Variants in POLD3 observed in about 807,000 individuals in gnomAD.
POLD3 encodes the protein DNA polymerase delta 3, accessory subunit, also known as DNA polymerase delta subunit 3.
Under a neutral mutation model 58.2 loss-of-function variants are expected in POLD3, and 19 were observed. The observed-to-expected ratio is 0.33, with a 90% CI of 0.23 to 0.48. POLD3 has a LOEUF of 0.48. Ranked by LOEUF, POLD3 falls within the 20% of genes least tolerant of loss-of-function variation. The pLI is 0.99. For missense variants in POLD3, 504 were observed against 545.5 expected, an observed-to-expected ratio of 0.92 and a Z score of 0.76; for synonymous variants, 172 against 193.5, an observed-to-expected ratio of 0.89 and a Z score of 0.92.
At chr11:74,610,065 G>A (rs1451861524) in intron 3 of POLD3, among the ~76,000 whole-genome samples, 1 of 152,132 alleles carries the variant, frequency 6.6e-6, no homozygotes, top group African/African-American at 2.4e-5. Flanking sequence ...TACTTTTGTT[G>A]GATGTTGCCA....
At chr11:74,608,619 G>A (rs1336477768) in intron 3 of POLD3, among the ~76,000 whole-genome samples, 2 of 152,148 alleles carry the variant, frequency 1.3e-5, no homozygotes, top group Non-Finnish European at 2.9e-5. Context: ...TTTAGCACCA[G>A]CTGGCATTTC....
intron 4 of POLD3, among the ~76,000 whole-genome samples, chr11:74,657,534 G>C (rs61621556): frequency 0.27 from 41,038 of 151,044 alleles, 5,973 homozygotes; most frequent in South Asian, 0.42. Context: ...CAAACAAAAA[G>C]AAAACTAATA....
At chr11:74,657,397 T>C (rs565950163) in intron 4 of POLD3, among the ~76,000 whole-genome samples, 2 of 152,182 alleles carry the variant, frequency 1.3e-5, no homozygotes, top group Non-Finnish European at 2.9e-5. Context: ...TATGACTTAA[T>C]TTCTTGCTTT....
intron 4 of POLD3, among the ~76,000 whole-genome samples, chr11:74,652,348 T>C (rs1486380657): frequency 6.6e-6 from 1 of 152,236 alleles, no homozygotes; most frequent in Admixed American, 6.5e-5. Context: ...TCAAAGGATA[T>C]ACATTTTAAG....
In POLD3 at chr11:74,640,973, T is replaced by C; in HGVS notation, c.*207T>C. The stretch of plus-strand genomic sequence containing the variant: ...CAGGAGGCAAAAAGCTGTTACCTTC[T>C]AATGACATTTAAAAAGCACAGTCTT... On this transcript the variant is annotated 3_prime_UTR_variant, in exon 12 of 12. Transcript: ENST00000263681. The C allele has an allele frequency of 8.0e-6, 10 of 1,251,152 alleles. No individual in the cohort carries two copies. The highest frequency in any genetic ancestry group is 9.0e-6 in the Non-Finnish European group (9 of 998,558). The allele number at this position is 1,251,152 out of a possible 1,614,324, so 77.5% of individuals were successfully genotyped here.
chr11:74,631,236 C>G (rs776708276), intron 9 of POLD3, among the ~76,000 whole-genome samples: 1 of 152,142 alleles, frequency 6.6e-6, no homozygotes, highest in Non-Finnish European at 1.5e-5. Context: ...AAAGGAACAG[C>G]AGGAGTAGAG....
chr11:74,638,726 C>T (rs935525291), intron 11 of POLD3: 34 of 453,970 alleles, frequency 7.5e-5, no homozygotes, highest in African/African-American at 6.2e-4. Flanking sequence ...ATTTCTCAAA[C>T]TTTGCCGGCT....
chr11:74,624,539 C>T (rs566558738), intron 7 of POLD3, among the ~76,000 whole-genome samples: 137 of 152,302 alleles, frequency 9.0e-4, no homozygotes, highest in African/African-American at 2.9e-3. Flanking sequence ...ACCAAAACTA[C>T]TTATTGAAGC....
chr11:74,652,444 A>C (rs1400092084), intron 4 of POLD3, among the ~76,000 whole-genome samples: 1 of 152,232 alleles, frequency 6.6e-6, no homozygotes, highest in East Asian at 1.9e-4. Flanking sequence ...CAGTGCTTCA[A>C]GTAATAGAGA....
In POLD3 at chr11:74,607,270, A is replaced by ATTTT. The variant is rs1304182109; in HGVS notation, c.219+2479_219+2480insTTTT. Among the ~76,000 whole-genome samples the ATTTT allele has an allele frequency of 2.3e-4, 33 of 144,764 alleles. No individual in the cohort carries two copies. In the East Asian group the frequency reaches 6.3e-3, roughly 28 times the overall value. The allele number at this position is 144,764 out of a possible 152,430, so 95.0% of individuals were successfully genotyped here. ...TATTTATTTATTTATTTATTTATTTATTTATTTTTTGAGACCGAGTCTTGC... is the reference window on the plus strand; with the variant it reads ...TATTTATTTATTTATTTATTTATTTATTTTTTTATTTTTTGAGACCGAGTCTTGC... On this transcript the variant is annotated intron_variant, in intron 3 of 11. Transcript: ENST00000263681.
At chr11:74,662,158 G>A (rs2033213770) in intron 4 of POLD3, among the ~76,000 whole-genome samples, 1 of 152,200 alleles carries the variant, frequency 6.6e-6, no homozygotes, top group African/African-American at 2.4e-5. Flanking sequence ...GATCCCAAGA[G>A]CCCGTTTGGT....
At chr11:74,658,969 G>A (rs2135198782) in intron 4 of POLD3, among the ~76,000 whole-genome samples, 1 of 152,314 alleles carries the variant, frequency 6.6e-6, no homozygotes, top group Non-Finnish European at 1.5e-5. Context: ...TGCCCCAGTA[G>A]GGATCCTATG....
intron 4 of POLD3, among the ~76,000 whole-genome samples, chr11:74,659,821 G>A (rs1482308172): frequency 2.0e-5 from 3 of 152,152 alleles, no homozygotes; most frequent in Non-Finnish European, 4.4e-5. Context: ...CATTCAACAA[G>A]TCTTGGGAAG....
intron 9 of POLD3, among the ~76,000 whole-genome samples, chr11:74,631,964 G>A (rs368725072): frequency 6.6e-6 from 1 of 151,904 alleles, no homozygotes. Flanking sequence ...CCCCTGCGGG[G>A]TCATAAGCAC....
chr11:74,601,604 T>C (rs1029379761), intron 2 of POLD3, among the ~76,000 whole-genome samples: 1 of 152,008 alleles, frequency 6.6e-6, no homozygotes, highest in East Asian at 1.9e-4. Context: ...CTGGGAGATA[T>C]AACAAAAGCC....
In POLD3 at chr11:74,631,040, A is replaced by G. The variant is rs998248420; in HGVS notation, c.1006+1717A>G. Among the ~76,000 whole-genome samples, 4 of 152,358 alleles carry G rather than the reference A, an allele frequency of 2.6e-5. No homozygotes were observed. The East Asian group carries it at 7.7e-4, about 29-fold the overall frequency. On this transcript the variant is annotated intron_variant, in intron 9 of 11. Transcript: ENST00000263681. ...CTTAGATTTTTTTCCTCTGGCAAAG[A>G]TAATTTTTGGCATCTGACTAAATTT... is the stretch of plus-strand genomic sequence containing the variant.
At chr11:74,644,190 G>A (rs1384787175), downstream of POLD3, among the ~76,000 whole-genome samples, 1 of 152,178 alleles carries the variant, frequency 6.6e-6, no homozygotes, top group Admixed American at 6.5e-5. Flanking sequence ...CTGAAGAGAA[G>A]GGCCATATAA....
At chr11:74,594,853 G>A (rs557558064) in intron 2 of POLD3, among the ~76,000 whole-genome samples, 15 of 152,270 alleles carry the variant, frequency 9.9e-5, no homozygotes, top group African/African-American at 2.2e-4. Context: ...GTCAGATTTC[G>A]TGAGAACTCA....
At chr11:74,629,048 G>T in intron 8 of POLD3, 169 bp from the exon 9 acceptor site, 1 of 465,420 alleles carries the variant, frequency 2.1e-6, no homozygotes, top group Non-Finnish European at 3.8e-6. Flanking sequence ...CTTAGTTGTG[G>T]TCAGTTAGCA....
Sources: allele counts gnomAD v4.1 joint callset (sites outside exome capture counted in the v4.1 genomes callset), GRCh38; gene constraint gnomAD v4.1.1; transcripts MANE v1.5; gene names NCBI Gene and HGNC (gene_info 2026-07-23, HGNC 2026-07-21).